Variants in CSMD3 observed in about 807,000 individuals in gnomAD.
CSMD3 encodes the protein CUB and sushi domain-containing protein 3.
Under a neutral mutation model 435.2 loss-of-function variants are expected in CSMD3, and 177 were observed. The ratio of observed to expected loss-of-function variants is 0.41; its 90% CI spans 0.36 to 0.46. The LOEUF is 0.46. CSMD3 is among the 20% of genes least tolerant of loss of function. The pLI is 0.34. For missense variants in CSMD3, 4,265 were observed against 4,504.6 expected (o/e 0.95, Z 1.52); for synonymous variants, 1,656 against 1,520.5 (o/e 1.09, Z -2.07).
chr8:113,216,243 C>G (rs1338272464), intron 3 of CSMD3, among the ~76,000 whole-genome samples: 1 of 151,792 alleles, frequency 6.6e-6, no homozygotes, highest in Non-Finnish European at 1.5e-5. Context: ...AACAATGATG[C>G]AAATTATATC....
At position 112,224,737 on chromosome 8, in the gene CSMD3, T is replaced by A. The variant is rs1318631171; in HGVS notation, c.*34A>T. 6.2e-7 allele frequency: 1 copy of A among 1,612,462 alleles called. No homozygotes were observed. Among genetic ancestry groups the A allele is most frequent in the Admixed American group, 1.7e-5 (1 of 60,006 alleles). On this transcript the variant is annotated 3_prime_UTR_variant, in exon 71 of 71. Transcript: ENST00000297405. ...AATGTGCACTGTTTTGTGTGTCGAT[T>A]TCCAAGCTTCTGAAGAAGGCAAAGG...
chr8:112,347,278 C>A (rs1488854107), intron 40 of CSMD3, among the ~76,000 whole-genome samples: 4 of 152,042 alleles, frequency 2.6e-5, no homozygotes, highest in African/African-American at 9.7e-5. Context: ...ATTTTAGAAA[C>A]CTATTCTTGA....
intron 5 of CSMD3, among the ~76,000 whole-genome samples, chr8:113,061,321 C>T (rs1380890300): frequency 6.6e-6 from 1 of 152,008 alleles, no homozygotes; most frequent in Non-Finnish European, 1.5e-5. Flanking sequence ...ATCAAATAGA[C>T]TTTACTAGGG....
intron 12 of CSMD3, among the ~76,000 whole-genome samples, chr8:112,828,655 G>C (rs2079771041): frequency 6.6e-6 from 1 of 152,160 alleles, no homozygotes; most frequent in Non-Finnish European, 1.5e-5. Flanking sequence ...CTTTAAAGCA[G>C]TGTGAAAACG....
intron 32 of CSMD3, among the ~76,000 whole-genome samples, chr8:112,446,318 A>T (rs1350183118): frequency 6.6e-6 from 1 of 152,184 alleles, no homozygotes; most frequent in Admixed American, 6.5e-5. Context: ...TATGGCACTA[A>T]CTCTAGCACA....
intron 32 of CSMD3, among the ~76,000 whole-genome samples, chr8:112,456,018 T>A (rs1586384235): frequency 8.0e-6 from 1 of 125,634 alleles, no homozygotes; most frequent in Non-Finnish European, 1.7e-5. Flanking sequence ...ACTAGCCCTA[T>A]ACTCTGACCA....
intron 1 of CSMD3, among the ~76,000 whole-genome samples, chr8:113,317,116 AT>A (rs1761297177): frequency 6.6e-6 from 1 of 152,240 alleles, no homozygotes; most frequent in African/African-American, 2.4e-5. Context: ...AAAAATCAAT[AT>A]TTGTGTATAT....
chr8:112,696,390 G>A (rs1220201113), intron 13 of CSMD3, among the ~76,000 whole-genome samples: 16 of 151,980 alleles, frequency 1.1e-4, no homozygotes, highest in African/African-American at 3.9e-4. Flanking sequence ...TAGACCAATG[G>A]AACAGAACAG....
chr8:113,337,325 C>G (rs1488568517), intron 1 of CSMD3, among the ~76,000 whole-genome samples: 1 of 151,942 alleles, frequency 6.6e-6, no homozygotes, highest in African/African-American at 2.4e-5. Context: ...TATGTCTATG[C>G]CATATTCCTG....
At chr8:112,810,477 T>C (rs1467507796) in intron 12 of CSMD3, among the ~76,000 whole-genome samples, 1 of 152,126 alleles carries the variant, frequency 6.6e-6, no homozygotes, top group East Asian at 1.9e-4. Context: ...CAAATATCAA[T>C]ATAGAAACAA....
At position 112,571,761 on chromosome 8, in the gene CSMD3, A is replaced by G. The variant is rs188181892; in HGVS notation, c.4042+1740T>C. 3.0e-3 allele frequency among the ~76,000 whole-genome samples: 461 copies of G among 151,560 alleles called. 1 individual carries two copies. Among genetic ancestry groups the G allele is most frequent in the African/African-American group, 0.011 (444 of 41,380 alleles). On this transcript the variant is annotated intron_variant, in intron 24 of 70. Coordinates refer to ENST00000297405, the MANE Select transcript of CSMD3 (RefSeq NM_198123.2). Reference sequence around the variant, plus strand: ...GCGGGTGCCTGTAATCCCAGCTACTAGGGAGGCTGAAGCAGGAGAATTGCT... The same window carrying G: ...GCGGGTGCCTGTAATCCCAGCTACTGGGGAGGCTGAAGCAGGAGAATTGCT...
intron 1 of CSMD3, among the ~76,000 whole-genome samples, chr8:113,408,652 GGA>G (rs1323133138): frequency 1.3e-5 from 2 of 151,732 alleles, no homozygotes; most frequent in Non-Finnish European, 2.9e-5. Context: ...CACGTGACAA[GGA>G]GTTTTTTTTT....
intron 4 of CSMD3, among the ~76,000 whole-genome samples, chr8:113,106,328 A>T (rs528896821): frequency 4.6e-5 from 7 of 151,704 alleles, no homozygotes; most frequent in East Asian, 3.9e-4. Context: ...CTAGAAATTA[A>T]AAAAAAAATA....
chr8:113,425,909 A>G (rs922828163), intron 1 of CSMD3, among the ~76,000 whole-genome samples: 4 of 151,570 alleles, frequency 2.6e-5, no homozygotes, highest in Non-Finnish European at 5.9e-5. Flanking sequence ...TTATTTACAC[A>G]AAACATTTGA....
At chr8:112,957,029 G>A (rs539561184) in intron 7 of CSMD3, among the ~76,000 whole-genome samples, 1 of 151,906 alleles carries the variant, frequency 6.6e-6, no homozygotes, top group Admixed American at 6.5e-5. Flanking sequence ...TATTTTAGCT[G>A]TTTATATTTT....
chr8:112,938,332 C>G (rs557796536), intron 9 of CSMD3, among the ~76,000 whole-genome samples: 1 of 152,114 alleles, frequency 6.6e-6, no homozygotes, highest in Non-Finnish European at 1.5e-5. Flanking sequence ...TACCAAAGAC[C>G]ACCTGGTCTG....
intron 68 of CSMD3, among the ~76,000 whole-genome samples, chr8:112,232,042 G>C (rs1014381236): frequency 6.6e-6 from 1 of 152,052 alleles, no homozygotes; most frequent in South Asian, 2.1e-4. Context: ...GTTGGGCTTG[G>C]TCCTGTGACT....
At chr8:113,090,642 C>T (rs1439974681) in intron 5 of CSMD3, among the ~76,000 whole-genome samples, 1 of 152,120 alleles carries the variant, frequency 6.6e-6, no homozygotes, top group African/African-American at 2.4e-5. Context: ...GCTTTGCCAA[C>T]ATCTTCAATC....
intron 32 of CSMD3, among the ~76,000 whole-genome samples, chr8:112,460,941 C>G (rs1817387579): frequency 6.6e-6 from 1 of 152,074 alleles, no homozygotes; most frequent in Non-Finnish European, 1.5e-5. Context: ...TGATGTGCAC[C>G]ATATGTTTGT....
Sources: allele counts gnomAD v4.1 joint callset (sites outside exome capture counted in the v4.1 genomes callset), GRCh38; gene constraint gnomAD v4.1.1; transcripts MANE v1.5; gene names NCBI Gene and HGNC (gene_info 2026-07-23, HGNC 2026-07-21).